Variants in NFIA observed in about 807,000 individuals in gnomAD.
NFIA encodes the protein nuclear factor 1 A-type.
A neutral mutation model predicts 62.8 loss-of-function variants in NFIA; 8 were observed. That is an observed-to-expected ratio of 0.13 (90% CI 0.07 to 0.23). The LOEUF (loss-of-function observed/expected upper bound fraction) is 0.23, where lower values mean the gene tolerates loss of function less well. Ranked by LOEUF, NFIA falls within the 10% of genes least tolerant of loss-of-function variation. The pLI is 1.00. For missense variants in NFIA, 410 were observed against 642.1 expected, an observed-to-expected ratio of 0.64 and a Z score of 3.91; for synonymous variants, 235 against 238.1, an observed-to-expected ratio of 0.99 and a Z score of 0.12.
chr1:61,250,669 G>C (rs1655969319), intron 2 of NFIA, among the ~76,000 whole-genome samples: 1 of 152,068 alleles, frequency 6.6e-6, no homozygotes, highest in African/African-American at 2.4e-5. Flanking sequence ...AAGTAAAAAG[G>C]CTCTATCTCT....
At chr1:61,174,611 T>C (rs761926165) in intron 2 of NFIA, among the ~76,000 whole-genome samples, 2 of 152,214 alleles carry the variant, frequency 1.3e-5, no homozygotes, top group Non-Finnish European at 2.9e-5. Flanking sequence ...ACTGAGTAGC[T>C]GACATCTGCC....
At chr1:61,302,693 G>A (rs916507551) in intron 3 of NFIA, among the ~76,000 whole-genome samples, 2 of 152,112 alleles carry the variant, frequency 1.3e-5, no homozygotes, top group Admixed American at 1.3e-4. Flanking sequence ...AAATCCAGCT[G>A]CATATTAGTT....
Position 61,355,957 on chromosome 1 carries a change from A to T in NFIA, c.819-3190A>T, listed in dbSNP as rs147429975. Among the ~76,000 whole-genome samples, 279 of 152,304 alleles carry T rather than the reference A, an allele frequency of 1.8e-3. 1 individual carries two copies. The highest frequency in any genetic ancestry group is 6.7e-3 in the African/African-American group (279 of 41,564). On this transcript the variant is annotated intron_variant, in intron 5 of 10. Coordinates refer to ENST00000403491, the MANE Select transcript of NFIA (RefSeq NM_001134673.4). ...TCAACCGATAGCTATAGAATCTTTC[A>T]ACTCTAGGATTTAATACTGGCTTGG...
At position 61,424,516 on chromosome 1, in the gene NFIA, G is replaced by A. The variant is rs148283860; in HGVS notation, c.1421-1949G>A. On this transcript the variant is annotated intron_variant, in intron 9 of 10. Transcript: ENST00000403491. ...ATCAAACATGGACTCACGTTTCAGC[G>A]TCTGTCATCAATCACTCATAGACTT... Among the ~76,000 whole-genome samples the A allele has an allele frequency of 3.6e-3, 549 of 152,174 alleles. 1 individual carries two copies. The highest frequency in any genetic ancestry group is 6.4e-3 in the Non-Finnish European group (434 of 68,010).
At chr1:61,378,236 C>T (rs1036094475) in intron 6 of NFIA, among the ~76,000 whole-genome samples, 3 of 152,106 alleles carry the variant, frequency 2.0e-5, no homozygotes, top group Non-Finnish European at 4.4e-5. Context: ...TTAGGGGAGA[C>T]CCCAAGAATT....
intron 3 of NFIA, among the ~76,000 whole-genome samples, chr1:61,285,074 C>A (rs1386715188): frequency 2.0e-5 from 3 of 152,128 alleles, no homozygotes; most frequent in African/African-American, 4.8e-5. Context: ...AAAAGGAAAT[C>A]AAATGAGGAG....
chr1:61,422,199 G>T (rs751950032), intron 9 of NFIA, among the ~76,000 whole-genome samples: 1 of 152,168 alleles, frequency 6.6e-6, no homozygotes. Context: ...AGAGGTCAAG[G>T]CTTCAGTAAG....
In NFIA at chr1:61,359,279, G is replaced by GCA. The variant is rs769454725; in HGVS notation, c.946+6_946+7dup. 3 of 1,612,242 alleles carry GCA rather than the reference G, an allele frequency of 1.9e-6. No individual in the cohort carries two copies. The highest frequency in any genetic ancestry group is 3.3e-5 in the Admixed American group (2 of 60,024). ...GATGGCATGAAGTGGAGCCAGGTAA[G>GCA]CAGAGTGGCGGCACGGGCATGTGGC... On this transcript the variant is annotated splice_donor_region_variant and intron_variant, in intron 6 of 10. Coordinates refer to ENST00000403491, the MANE Select transcript of NFIA (RefSeq NM_001134673.4).
intron 5 of NFIA, among the ~76,000 whole-genome samples, chr1:61,356,299 G>A (rs1441727707): frequency 6.6e-6 from 1 of 152,124 alleles, no homozygotes; most frequent in Non-Finnish European, 1.5e-5. Context: ...ATTTGCCAGA[G>A]TACTTCAGGG....
At chr1:61,147,212 G>T (rs1190473903) in intron 2 of NFIA, among the ~76,000 whole-genome samples, 1 of 151,572 alleles carries the variant, frequency 6.6e-6, no homozygotes, top group African/African-American at 2.4e-5. Context: ...ATCCATTGGT[G>T]CAATCTTGGT....
At chr1:61,312,363 T>C (rs1660164303) in intron 3 of NFIA, among the ~76,000 whole-genome samples, 1 of 152,216 alleles carries the variant, frequency 6.6e-6, no homozygotes, top group South Asian at 2.1e-4. Context: ...ACAACATTGC[T>C]CCAGGGTTTT....
At chr1:61,100,659 C>T (rs75541763) in intron 2 of NFIA, among the ~76,000 whole-genome samples, 9,039 of 152,144 alleles carry the variant, frequency 0.059, 370 homozygotes, top group African/African-American at 0.11. Context: ...GTGGTGCAGT[C>T]GTAGCTCACT....
chr1:61,254,972 G>A (rs1245155539), intron 2 of NFIA, among the ~76,000 whole-genome samples: 1 of 152,182 alleles, frequency 6.6e-6, no homozygotes, highest in African/African-American at 2.4e-5. Flanking sequence ...CCCTGACCAT[G>A]TGACGTTTGT....
At chr1:61,079,710 CCTTT>C (rs1236059525), upstream of NFIA, among the ~76,000 whole-genome samples, 2 of 152,204 alleles carry the variant, frequency 1.3e-5, no homozygotes, top group African/African-American at 4.8e-5. Context: ...TCTCTACTAT[CCTTT>C]CTTTCTTCCC....
At chr1:61,087,485 T>C (rs1387793743) in intron 1 of NFIA, among the ~76,000 whole-genome samples, 5 of 152,166 alleles carry the variant, frequency 3.3e-5, no homozygotes, top group African/African-American at 9.7e-5. Flanking sequence ...ATTCAATCCT[T>C]CTTTTGTATA....
At chr1:61,402,492 T>C (rs1029357866) in intron 7 of NFIA, among the ~76,000 whole-genome samples, 3 of 152,200 alleles carry the variant, frequency 2.0e-5, no homozygotes, top group Non-Finnish European at 2.9e-5. Flanking sequence ...AAATATTTAT[T>C]GAGTGCCAGA....
chr1:61,319,681 C>T lies in NFIA; in HGVS notation c.626-12831C>T, dbSNP rs547115383. Among the ~76,000 whole-genome samples, 104 of 151,938 alleles carry T rather than the reference C, an allele frequency of 6.8e-4. 1 individual carries two copies. The highest frequency in any genetic ancestry group is 2.3e-3 in the African/African-American group (97 of 41,418). ...TACAAAAAGGAGCGAAGGTTTTATT[C>T]GAAGAAAGAGGAGCCTGTTTTATAT... On this transcript the variant is annotated intron_variant, in intron 3 of 10. Coordinates refer to ENST00000403491, the MANE Select transcript of NFIA (RefSeq NM_001134673.4).
intron 7 of NFIA, among the ~76,000 whole-genome samples, chr1:61,388,693 T>C (rs898283833): frequency 6.6e-6 from 1 of 152,228 alleles, no homozygotes; most frequent in Admixed American, 6.5e-5. Flanking sequence ...TTGAAAGAGT[T>C]ATGGTCTGGG....
chr1:61,173,531 A>G (rs1402013196), intron 2 of NFIA, among the ~76,000 whole-genome samples: 2 of 151,932 alleles, frequency 1.3e-5, no homozygotes, highest in Non-Finnish European at 2.9e-5. Flanking sequence ...GGGATTACAG[A>G]CATTGCACCA....
Sources: allele counts gnomAD v4.1 joint callset (sites outside exome capture counted in the v4.1 genomes callset), GRCh38; gene constraint gnomAD v4.1.1; transcripts MANE v1.5; gene names NCBI Gene and HGNC (gene_info 2026-07-23, HGNC 2026-07-21).